MKRN1: variants seen among roughly 807,000 people sequenced by gnomAD.
MKRN1 encodes makorin ring finger protein 1.
Under a neutral mutation model 55.5 loss-of-function variants are expected in MKRN1, and 9 were observed. That is an observed-to-expected ratio of 0.16 (90% CI 0.10 to 0.28). MKRN1 has a LOEUF of 0.28. Ranked by LOEUF, MKRN1 falls within the 10% of genes least tolerant of loss-of-function variation. The pLI is 1.00. For missense variants in MKRN1, 488 were observed against 626.7 expected (o/e 0.78, Z 2.36); for synonymous variants, 253 against 235.9 (o/e 1.07, Z -0.66).
At position 140,455,849 on chromosome 7, in the gene MKRN1, G is replaced by A. The variant is rs1270372220; in HGVS notation, c.1038C>T (p.Tyr346=). 1 of 1,614,036 alleles carries A rather than the reference G, an allele frequency of 6.2e-7. No homozygotes were observed. The highest frequency in any genetic ancestry group is 8.5e-7 in the Non-Finnish European group (1 of 1,180,000). ...ITSNFVIPSE[Y]WVEEKEEKQK... ...GCTTCTCTTCTTTCTCCTCCACCCAGTACTCACTTGGAATGACAAAGTTAG... is the reference window on the plus strand; with the variant it reads ...GCTTCTCTTCTTTCTCCTCCACCCAATACTCACTTGGAATGACAAAGTTAG... Residue 346 remains tyrosine, a synonymous_variant, in exon 6 of 8, where the codon TAC becomes TAT. Transcript: ENST00000255977.
intron 1 of MKRN1, 170 bp downstream of exon 1, chr7:140,478,986 ACTGG>A: frequency 2.6e-6 from 2 of 775,228 alleles, no homozygotes; most frequent in Middle Eastern, 4.5e-4. Flanking sequence ...TGACGCAGTG[ACTGG>A]GGGAACGCGG....
chr7:140,471,856 T>C (rs1794936466), intron 2 of MKRN1, 27 bp downstream of exon 2: 1 of 1,609,070 alleles, frequency 6.2e-7, no homozygotes, highest in Non-Finnish European at 8.5e-7. Context: ...AACCCACCCC[T>C]GAACAAATTT....
At chr7:140,463,899 T>A (rs1223746665) in intron 2 of MKRN1, among the ~76,000 whole-genome samples, 1 of 150,850 alleles carries the variant, frequency 6.6e-6, no homozygotes, top group African/African-American at 2.4e-5. Flanking sequence ...AAAAAAAAAA[T>A]AAAAAGAAAT....
At chr7:140,456,216 TG>T in intron 5 of MKRN1, 2 of 1,161,328 alleles carry the variant, frequency 1.7e-6, no homozygotes, top group Non-Finnish European at 2.1e-6. Flanking sequence ...ATTTATTTCT[TG>T]TAGCTTTGCT....
chr7:140,459,706 C>G lies in MKRN1; in HGVS notation c.544+1G>C. The G allele has an allele frequency of 6.2e-7, 1 of 1,613,334 alleles. No individual in the cohort carries two copies. The highest frequency in any genetic ancestry group is 8.5e-7 in the Non-Finnish European group (1 of 1,179,286). On this transcript the variant is annotated splice_donor_variant, in intron 3 of 7. Transcript: ENST00000255977. LOFTEE classifies it high-confidence loss of function. Reference sequence around the variant, plus strand: ...CTTATTTTCTTCTTCAGAATACTTACTACGGCCACAGTAGGGTTGCCCAGG... The same window carrying G: ...CTTATTTTCTTCTTCAGAATACTTAGTACGGCCACAGTAGGGTTGCCCAGG...
At position 140,479,185 on chromosome 7, in the gene MKRN1, C is replaced by CGCCGCCGCTGCCGTCGCT; in HGVS notation, c.142_159dup (p.Ser48_Gly53dup). 6.9e-7 allele frequency: 1 copy of CGCCGCCGCTGCCGTCGCT among 1,459,306 alleles called. No individual in the cohort carries two copies. The allele number at this position is 1,459,306 out of a possible 1,614,324, so 90.4% of individuals were successfully genotyped here. On this transcript the variant is annotated inframe_insertion, in exon 1 of 8. Coordinates refer to ENST00000255977, the MANE Select transcript of MKRN1 (RefSeq NM_013446.4). The stretch of plus-strand genomic sequence containing the variant: ...CTGCAGGTGACCTGTTTAGTCCAGC[C>CGCCGCCGCTGCCGTCGCT]GCCGCCGCTGCCGTCGCTGCCGCCG...
chr7:140,479,412 G>C lies in MKRN1; in HGVS notation c.-68C>G. On this transcript the variant is annotated 5_prime_UTR_variant, in exon 1 of 8. Transcript: ENST00000255977. The stretch of plus-strand genomic sequence containing the variant: ...TCACATAGTTCCGGTCCGGCTGCGG[G>C]GAGAGGACGGCGAGGCCAGGCGAGG... The C allele has an allele frequency of 8.0e-7, 1 of 1,254,550 alleles. No homozygotes were observed. Among genetic ancestry groups the C allele is most frequent in the Non-Finnish European group, 1.0e-6 (1 of 994,538 alleles). The allele number at this position is 1,254,550 out of a possible 1,614,324, so 77.7% of individuals were successfully genotyped here.
At chr7:140,476,287 A>G (rs1563098334) in intron 1 of MKRN1, among the ~76,000 whole-genome samples, 1 of 152,040 alleles carries the variant, frequency 6.6e-6, no homozygotes, top group East Asian at 1.9e-4. Context: ...GCTGGCGTGC[A>G]ATGTTTACTT....
chr7:140,465,938 G>A (rs937110461), intron 2 of MKRN1, among the ~76,000 whole-genome samples: 13 of 152,006 alleles, frequency 8.6e-5, no homozygotes, highest in African/African-American at 3.1e-4. Context: ...AAAATTAGCT[G>A]GGCATGGTGG....
intron 1 of MKRN1, among the ~76,000 whole-genome samples, chr7:140,475,994 C>T (rs1197996662): frequency 6.6e-6 from 1 of 151,916 alleles, no homozygotes; most frequent in Non-Finnish European, 1.5e-5. Context: ...CAATGAAAAC[C>T]CCAGGAGAAA....
chr7:140,474,806 C>T (rs111477021), intron 1 of MKRN1, among the ~76,000 whole-genome samples: 2,213 of 151,628 alleles, frequency 0.015, 60 homozygotes, highest in African/African-American at 0.051. Flanking sequence ...GCAGCCTCTG[C>T]CTCTTGGGAT....
At chr7:140,457,184 T>A (rs1794489919) in intron 4 of MKRN1, among the ~76,000 whole-genome samples, 1 of 152,152 alleles carries the variant, frequency 6.6e-6, no homozygotes. Flanking sequence ...TTCCATACTG[T>A]TTGTTATTTC....
At chr7:140,478,980 G>A (rs10257086) in intron 1 of MKRN1, 180 bp downstream of exon 1, 32,616 of 718,186 alleles carry the variant, frequency 0.045, 3,117 homozygotes, top group African/African-American at 0.32. Context: ...GGGGGTTGAC[G>A]CAGTGACTGG....
rs2130386643 is a variant in MKRN1, at chr7:140,479,242, T to G, written c.103A>C (p.Thr35Pro). ...AASPTPIPTV[T>P]APSLGAGGGG... ...CCGCCCGCCCCCAGGGACGGGGCGG[T>G]GACTGTGGGGATCGGGGTGGGGGAG... The change falls in exon 1 of 8, where the codon ACC becomes CCC. Residue 35 changes from threonine (T) to proline (P), a missense_variant. Physicochemically the swap from Thr to Pro is conservative, Grantham distance 38. Around this residue, in one of 2 missense-constraint regions of MKRN1, gnomAD observed 210 missense variants for 220.0 expected, o/e 0.95. Coordinates refer to ENST00000255977, the MANE Select transcript of MKRN1 (RefSeq NM_013446.4). 1.4e-6 allele frequency: 2 copies of G among 1,430,046 alleles called. No individual in the cohort carries two copies. The highest frequency in any genetic ancestry group is 1.8e-6 in the Non-Finnish European group (2 of 1,094,866). 88.6% of individuals were successfully genotyped at this position (1,430,046 alleles called of 1,614,324 possible).
At chr7:140,460,123 T>C (rs1243531490) in intron 2 of MKRN1, 187 bp from the exon 3 acceptor site, 2 of 604,308 alleles carry the variant, frequency 3.3e-6, no homozygotes, top group Non-Finnish European at 6.0e-6. Context: ...GTGGCGCACC[T>C]GTAATCCCAA....
chr7:140,468,701 CAAAAA>C (rs528725182), intron 2 of MKRN1, among the ~76,000 whole-genome samples: 42 of 32,130 alleles, frequency 1.3e-3, no homozygotes, highest in African/African-American at 3.9e-3. Flanking sequence ...CTCTGTCTCA[CAAAAA>C]AAAAAAAAAA....
chr7:140,472,103 A>G (rs1585491973), intron 1 of MKRN1, 92 bp from the exon 2 acceptor site: 12 of 1,523,330 alleles, frequency 7.9e-6, no homozygotes, highest in African/African-American at 5.5e-5. Context: ...TTCAACCAGT[A>G]AATACACAAA....
At chr7:140,462,824 G>C (rs1418749213) in intron 2 of MKRN1, among the ~76,000 whole-genome samples, 1 of 151,956 alleles carries the variant, frequency 6.6e-6, no homozygotes, top group African/African-American at 2.4e-5. Context: ...AAATTAGCCG[G>C]GTGTGGTGGT....
intron 1 of MKRN1, among the ~76,000 whole-genome samples, chr7:140,475,595 T>C (rs1253557761): frequency 6.6e-6 from 1 of 151,750 alleles, no homozygotes; most frequent in South Asian, 2.1e-4. Flanking sequence ...GCCTGGGAGG[T>C]GGAGGCTGCA....
Sources: gnomAD v4.1 joint callset for allele counts (sites outside exome capture counted in the v4.1 genomes callset) on GRCh38, gnomAD v4.1.1 for gene constraint, gnomAD v4.1.1 regional missense constraint, MANE v1.5 for transcripts, NCBI Gene and HGNC (gene_info 2026-07-23, HGNC 2026-07-21) for gene names.